KBTBD12: variants seen among roughly 807,000 people sequenced by gnomAD.
KBTBD12 encodes kelch repeat and BTB domain-containing protein 12.
A neutral mutation model predicts 58.7 loss-of-function variants in KBTBD12; 53 were observed. The ratio of observed to expected loss-of-function variants is 0.90; its 90% CI spans 0.72 to 1.14. The LOEUF (loss-of-function observed/expected upper bound fraction) is 1.14, where lower values mean the gene tolerates loss of function less well. Among genes scored for constraint, KBTBD12 ranks in the 50% most tolerant of loss-of-function variants. KBTBD12 has a pLI of 0.00. For synonymous variants in KBTBD12, 236 were observed against 259.8 expected (o/e 0.91, Z 0.88); for missense variants, 704 against 751.3 (o/e 0.94, Z 0.74).
chr3:127,948,892 T>A (rs1031927917), intron 4 of KBTBD12, among the ~76,000 whole-genome samples: 13 of 152,340 alleles, frequency 8.5e-5, no homozygotes, highest in African/African-American at 3.1e-4. Flanking sequence ...AACTAACTTA[T>A]CAGCTGTAAA....
intron 4 of KBTBD12, among the ~76,000 whole-genome samples, chr3:127,931,257 A>G (rs73205383): frequency 1.8e-4 from 27 of 152,320 alleles, no homozygotes; most frequent in Non-Finnish European, 3.4e-4. Flanking sequence ...CTGTTTGCAC[A>G]GCATGAAGCA....
intron 5 of KBTBD12, among the ~76,000 whole-genome samples, chr3:127,979,766 G>C (rs1940843196): frequency 6.6e-6 from 1 of 152,138 alleles, no homozygotes. Context: ...TAGATATATA[G>C]AATCCTCTGC....
At chr3:127,949,252 G>A (rs1000521653) in intron 4 of KBTBD12, among the ~76,000 whole-genome samples, 2 of 152,142 alleles carry the variant, frequency 1.3e-5, no homozygotes, top group Non-Finnish European at 2.9e-5. Flanking sequence ...AGAATTCTTG[G>A]TCGTTAACAT....
At chr3:127,928,079 T>C in intron 3 of KBTBD12, 45 bp downstream of exon 3, 2 of 1,522,798 alleles carry the variant, frequency 1.3e-6, no homozygotes, top group Non-Finnish European at 9.1e-7. Context: ...CTATACTGAG[T>C]CTGGCTGCTA....
chr3:127,926,736 A>C (rs1939575838), intron 2 of KBTBD12, among the ~76,000 whole-genome samples: 1 of 152,210 alleles, frequency 6.6e-6, no homozygotes, highest in Non-Finnish European at 1.5e-5. Context: ...TACTCTGTAT[A>C]AAACACACAT....
At position 127,987,153 on chromosome 3, in the gene KBTBD12, C is replaced by T. The variant is rs138723675; in HGVS notation, c.*2875C>T. The T allele has an allele frequency of 6.6e-6, 1 of 152,244 alleles. No individual in the cohort carries two copies. The highest frequency in any genetic ancestry group is 6.5e-5 in the Admixed American group (1 of 15,280). The allele number at this position is 152,244 out of a possible 1,614,324, so 9.4% of individuals were successfully genotyped here. On this transcript the variant is annotated 3_prime_UTR_variant, in exon 6 of 6. Coordinates refer to ENST00000405109, the MANE Select transcript of KBTBD12 (RefSeq NM_207335.4). ...GAAGCAGGCATCAAGGGCAGGATTT[C>T]TCAAACTTCTTCTGAGGAATCCCCG...
At chr3:127,935,343 T>C (rs1189522611) in intron 4 of KBTBD12, among the ~76,000 whole-genome samples, 1 of 152,160 alleles carries the variant, frequency 6.6e-6, no homozygotes, top group Non-Finnish European at 1.5e-5. Context: ...ATGGGGTTAT[T>C]TTGGAACAAA....
chr3:127,964,412 T>C lies in KBTBD12; in HGVS notation c.1690+1026T>C, dbSNP rs189629457. Among the ~76,000 whole-genome samples the C allele has an allele frequency of 6.9e-3, 1,042 of 151,438 alleles. 10 individuals are homozygous for C. Among genetic ancestry groups the C allele is most frequent in the African/African-American group, 0.024 (974 of 41,242 alleles). On this transcript the variant is annotated intron_variant, in intron 5 of 5. Coordinates refer to ENST00000405109, the MANE Select transcript of KBTBD12 (RefSeq NM_207335.4). ...ACTTTGGGAGGCCGAGGCAGGCAGA[T>C]CACAAGGTCAGGAGTTTGAGACCAT...
intron 5 of KBTBD12, among the ~76,000 whole-genome samples, chr3:127,969,788 T>G (rs2107613564): frequency 6.6e-6 from 1 of 152,322 alleles, no homozygotes; most frequent in Non-Finnish European, 1.5e-5. Context: ...GAAGTTGGAA[T>G]CCTGCCTCTT....
At chr3:127,939,724 AG>A (rs2107598122) in intron 4 of KBTBD12, among the ~76,000 whole-genome samples, 1 of 152,322 alleles carries the variant, frequency 6.6e-6, no homozygotes, top group African/African-American at 2.4e-5. Flanking sequence ...AAACAAAGCA[AG>A]CAATAAATCA....
chr3:127,938,867 A>C (rs902931695), intron 4 of KBTBD12, among the ~76,000 whole-genome samples: 1 of 152,208 alleles, frequency 6.6e-6, no homozygotes, highest in African/African-American at 2.4e-5. Context: ...GACAGAATGC[A>C]TGTATTTGAA....
chr3:127,959,819 G>A (rs1940394739), intron 4 of KBTBD12, among the ~76,000 whole-genome samples: 1 of 152,246 alleles, frequency 6.6e-6, no homozygotes, highest in Non-Finnish European at 1.5e-5. Flanking sequence ...TTACTGATGA[G>A]AAAAGGCTGA....
chr3:127,929,793 T>A (rs1356440574), intron 3 of KBTBD12, among the ~76,000 whole-genome samples: 1 of 152,076 alleles, frequency 6.6e-6, no homozygotes, highest in Non-Finnish European at 1.5e-5. Flanking sequence ...AAAATAGAAT[T>A]ACACTTTAAA....
intron 4 of KBTBD12, among the ~76,000 whole-genome samples, chr3:127,940,012 G>A (rs565904864): frequency 2.0e-5 from 3 of 152,178 alleles, no homozygotes; most frequent in African/African-American, 7.2e-5. Context: ...CCAGAGGCAT[G>A]GAAGGACATT....
rs140604923 is a variant in KBTBD12, at chr3:127,985,753, G to A, written c.*1475G>A. 5.2e-3 allele frequency: 800 copies of A among 152,428 alleles called. 2 individuals are homozygous for A. Among genetic ancestry groups the A allele is most frequent in the Non-Finnish European group, 8.8e-3 (596 of 68,096 alleles). The allele number at this position is 152,428 out of a possible 1,614,324, so 9.4% of individuals were successfully genotyped here. On this transcript the variant is annotated 3_prime_UTR_variant, in exon 6 of 6. Coordinates refer to ENST00000405109, the MANE Select transcript of KBTBD12 (RefSeq NM_207335.4). Reference sequence around the variant, plus strand: ...CCCCAAGTAGGCTCAACTCGGGAGGGTGGGGGTCCCGCCTTTCTCTTCGCA... The same window carrying A: ...CCCCAAGTAGGCTCAACTCGGGAGGATGGGGGTCCCGCCTTTCTCTTCGCA...
intron 5 of KBTBD12, among the ~76,000 whole-genome samples, chr3:127,980,206 G>T (rs1041935855): frequency 6.6e-6 from 1 of 152,190 alleles, no homozygotes; most frequent in Non-Finnish European, 1.5e-5. Flanking sequence ...ATAAAACAAG[G>T]TTGGTTCAAA....
At chr3:127,922,533 T>A (rs1047653209) in intron 1 of KBTBD12, among the ~76,000 whole-genome samples, 6 of 152,158 alleles carry the variant, frequency 3.9e-5, no homozygotes, top group Non-Finnish European at 5.9e-5. Context: ...AACAGTTCGG[T>A]GTATTTTTTG....
intron 4 of KBTBD12, among the ~76,000 whole-genome samples, chr3:127,946,018 A>G (rs912255414): frequency 6.6e-6 from 1 of 152,180 alleles, no homozygotes; most frequent in Non-Finnish European, 1.5e-5. Context: ...AGAGATTTCA[A>G]TATGAAGTCT....
chr3:127,977,010 T>C (rs1940795592), intron 5 of KBTBD12, among the ~76,000 whole-genome samples: 1 of 152,192 alleles, frequency 6.6e-6, no homozygotes, highest in African/African-American at 2.4e-5. Flanking sequence ...CACCCTTAAG[T>C]AGGCCCCAGT....
Sources: allele counts gnomAD v4.1 joint callset (sites outside exome capture counted in the v4.1 genomes callset), GRCh38; gene constraint gnomAD v4.1.1; transcripts MANE v1.5; gene names NCBI Gene and HGNC (gene_info 2026-07-23, HGNC 2026-07-21).